Variants in TMEM161B observed in about 807,000 individuals in gnomAD.
TMEM161B encodes the protein transmembrane protein 161B.
TMEM161B carries 34 observed loss-of-function variants against 61.8 expected under a neutral mutation model. That is an observed-to-expected ratio of 0.55 (90% CI 0.42 to 0.73). The LOEUF is 0.73. TMEM161B is among the 30% of genes least tolerant of loss of function. TMEM161B has a pLI of 0.00. For missense variants in TMEM161B, 456 were observed against 558.5 expected (o/e 0.82, Z 1.85); for synonymous variants, 167 against 192.8 (o/e 0.87, Z 1.11).
At chr5:88,252,939 A>G (rs1754524399) in intron 1 of TMEM161B, among the ~76,000 whole-genome samples, 1 of 152,188 alleles carries the variant, frequency 6.6e-6, no homozygotes, top group African/African-American at 2.4e-5. Context: ...ATATACTGGA[A>G]GCCAAATTAG....
intron 1 of TMEM161B, among the ~76,000 whole-genome samples, chr5:88,256,936 C>A (rs73770362): frequency 6.6e-6 from 1 of 152,304 alleles, no homozygotes; most frequent in African/African-American, 2.4e-5. Context: ...TCTGTTTTTA[C>A]AAGACAATCT....
chr5:88,268,715 A>G lies in TMEM161B; in HGVS notation c.3+6T>C. On this transcript the variant is annotated splice_donor_region_variant and intron_variant, in intron 1 of 11. Coordinates refer to ENST00000296595, the MANE Select transcript of TMEM161B (RefSeq NM_153354.5). The stretch of plus-strand genomic sequence containing the variant: ...TTGTCACTCCTGCCCTCACAGAAGA[A>G]CTCACCATGGCGCCTAGGATAGGTC... The G allele has an allele frequency of 3.1e-6, 5 of 1,613,914 alleles. No homozygotes were observed. Among genetic ancestry groups the G allele is most frequent in the Non-Finnish European group, 4.2e-6 (5 of 1,179,948 alleles).
intron 4 of TMEM161B, among the ~76,000 whole-genome samples, chr5:88,222,985 C>T (rs558260650): frequency 6.6e-6 from 1 of 152,000 alleles, no homozygotes; most frequent in East Asian, 1.9e-4. Context: ...ATGAACATCT[C>T]CCTGCTATTC....
At chr5:88,268,321 G>A (rs1178260403) in intron 1 of TMEM161B, among the ~76,000 whole-genome samples, 1 of 152,198 alleles carries the variant, frequency 6.6e-6, no homozygotes, top group African/African-American at 2.4e-5. Flanking sequence ...CACCTGGAGA[G>A]GCTAAAAGCA....
chr5:88,191,781 C>A (rs541592264), downstream of TMEM161B, among the ~76,000 whole-genome samples: 7 of 151,020 alleles, frequency 4.6e-5, no homozygotes, highest in Non-Finnish European at 7.4e-5. Flanking sequence ...CACTGTGAAA[C>A]CCCGTCTCTA....
At chr5:88,221,879 A>T in intron 4 of TMEM161B, 1 of 385,186 alleles carries the variant, frequency 2.6e-6, no homozygotes, top group South Asian at 1.9e-5. Flanking sequence ...ATGCAATTAC[A>T]CTTGAAGATA....
chr5:88,213,732 G>A (rs1747302945), intron 5 of TMEM161B, among the ~76,000 whole-genome samples: 1 of 152,004 alleles, frequency 6.6e-6, no homozygotes, highest in African/African-American at 2.4e-5. Flanking sequence ...CTAGATTTTT[G>A]TCTTGAAATC....
intron 8 of TMEM161B, among the ~76,000 whole-genome samples, chr5:88,203,749 TC>T (rs1744849035): frequency 8.9e-6 from 1 of 112,036 alleles, no homozygotes; most frequent in African/African-American, 3.7e-5. Flanking sequence ...AATTTCCCTA[TC>T]ATATATATAT....
intron 10 of TMEM161B, 187 bp downstream of exon 10, chr5:88,198,789 T>C (rs968951892): frequency 1.7e-6 from 1 of 573,426 alleles, no homozygotes; most frequent in African/African-American, 1.9e-5. Flanking sequence ...GAAGAGGAAT[T>C]AAGACCTCAC....
intron 9 of TMEM161B, chr5:88,201,142 T>C (rs1744330626): frequency 1.3e-5 from 2 of 152,002 alleles, no homozygotes; most frequent in Non-Finnish European, 2.9e-5. Flanking sequence ...ATAATTTTGC[T>C]TGGAATGCTT....
intron 3 of TMEM161B, among the ~76,000 whole-genome samples, chr5:88,226,530 A>C (rs1287908387): frequency 2.0e-5 from 3 of 152,192 alleles, no homozygotes; most frequent in Non-Finnish European, 4.4e-5. Context: ...GGGCTCAAAC[A>C]ATTTTCCTGC....
chr5:88,266,289 T>C (rs1161645786), intron 1 of TMEM161B, among the ~76,000 whole-genome samples: 2 of 152,208 alleles, frequency 1.3e-5, no homozygotes, highest in African/African-American at 4.8e-5. Context: ...TGGAGCAGTA[T>C]TTAAGACAGT....
chr5:88,190,077 C>A, downstream of TMEM161B: 1 of 700,684 alleles, frequency 1.4e-6, no homozygotes, highest in Non-Finnish European at 2.6e-6. Context: ...GGTTATTTCA[C>A]AAGCTTTCTC....
intron 1 of TMEM161B, among the ~76,000 whole-genome samples, chr5:88,257,985 A>G (rs894694858): frequency 1.3e-5 from 2 of 152,124 alleles, no homozygotes; most frequent in Non-Finnish European, 2.9e-5. Context: ...TAACCTGAAC[A>G]TTTTCTTTTC....
At chr5:88,244,565 T>C (rs939207126) in intron 1 of TMEM161B, among the ~76,000 whole-genome samples, 2 of 150,252 alleles carry the variant, frequency 1.3e-5, no homozygotes, top group African/African-American at 4.9e-5. Flanking sequence ...AGTCGAGTAA[T>C]GTGATGCCTC....
At chr5:88,185,791 C>T (rs1348795978), downstream of TMEM161B, among the ~76,000 whole-genome samples, 1 of 151,904 alleles carries the variant, frequency 6.6e-6, no homozygotes, top group African/African-American at 2.4e-5. Context: ...AAATGAAACA[C>T]AGAAAGAAAA....
intron 5 of TMEM161B, among the ~76,000 whole-genome samples, chr5:88,210,142 T>C (rs1746416217): frequency 6.6e-6 from 1 of 152,172 alleles, no homozygotes; most frequent in African/African-American, 2.4e-5. Flanking sequence ...TTTCTCTGTG[T>C]CTTAGTTTCT....
chr5:88,219,026 C>T (rs920067235), intron 5 of TMEM161B, among the ~76,000 whole-genome samples: 21 of 152,026 alleles, frequency 1.4e-4, no homozygotes, highest in Admixed American at 1.2e-3. Flanking sequence ...TCAGTGATAC[C>T]AGGGGCATAG....
downstream of TMEM161B, chr5:88,189,591 G>A (rs1280533954): frequency 6.5e-6 from 1 of 154,924 alleles, no homozygotes; most frequent in African/African-American, 2.4e-5. Flanking sequence ...CACCTGGGGA[G>A]AAAGGGTGAA....
Sources: gnomAD v4.1 joint callset for allele counts (sites outside exome capture counted in the v4.1 genomes callset) on GRCh38, gnomAD v4.1.1 for gene constraint, MANE v1.5 for transcripts, NCBI Gene and HGNC (gene_info 2026-07-23, HGNC 2026-07-21) for gene names.